CSRNP2: variants seen among roughly 807,000 people sequenced by gnomAD.
CSRNP2 encodes cysteine/serine-rich nuclear protein 2.
CSRNP2 carries 11 observed loss-of-function variants against 36.6 expected under a neutral mutation model. That is an observed-to-expected ratio of 0.30 (90% CI 0.19 to 0.50). The LOEUF (loss-of-function observed/expected upper bound fraction) is 0.50, where lower values mean the gene tolerates loss of function less well. Among genes scored for constraint, CSRNP2 ranks in the 20% least tolerant of loss-of-function variants. The probability of loss-of-function intolerance (pLI) is 0.98; values close to 1 mark genes in which losing one functional copy is unlikely to be tolerated. For synonymous variants in CSRNP2, 248 were observed against 275.3 expected, an observed-to-expected ratio of 0.90 and a Z score of 0.98; for missense variants, 483 against 691.4, an observed-to-expected ratio of 0.70 and a Z score of 3.38.
chr12:51,072,484 A>G (rs1258991493), intron 3 of CSRNP2, among the ~76,000 whole-genome samples: 1 of 145,884 alleles, frequency 6.9e-6, no homozygotes, highest in Non-Finnish European at 1.5e-5. Context: ...AATGGTGTGA[A>G]CCCGGGAGGT....
At chr12:51,076,313 G>A in intron 2 of CSRNP2, 98 bp downstream of exon 2, 1 of 1,335,478 alleles carries the variant, frequency 7.5e-7, no homozygotes, top group Non-Finnish European at 1.0e-6. Context: ...TGATGATTAA[G>A]GGCAAATCCC....
chr12:51,069,282 C>CCTTT (rs1181714055), intron 3 of CSRNP2, among the ~76,000 whole-genome samples: 1 of 144,778 alleles, frequency 6.9e-6, no homozygotes, highest in African/African-American at 2.5e-5. Context: ...GCTTCCTTCT[C>CCTTT]CTTTCTTTTT....
chr12:51,079,849 T>C (rs1280256733), intron 1 of CSRNP2, among the ~76,000 whole-genome samples: 1 of 113,918 alleles, frequency 8.8e-6, no homozygotes, highest in Non-Finnish European at 1.8e-5. Context: ...CCAAGGCGGG[T>C]GGATCACAAG....
intron 1 of CSRNP2, among the ~76,000 whole-genome samples, chr12:51,078,397 GA>G (rs11310354): frequency 0.98 from 148,895 of 151,316 alleles, 73,294 homozygotes; most frequent in Middle Eastern, 1. Context: ...TGCCAGGGAA[GA>G]AAAAAAAAAA....
intron 1 of CSRNP2, among the ~76,000 whole-genome samples, chr12:51,080,738 A>AT (rs1939607209): frequency 6.6e-6 from 1 of 152,142 alleles, no homozygotes; most frequent in African/African-American, 2.4e-5. Context: ...TAGCTCCACC[A>AT]TTTTTTTAAA....
chr12:51,069,982 G>A (rs1344105210), intron 3 of CSRNP2, among the ~76,000 whole-genome samples: 2 of 151,350 alleles, frequency 1.3e-5, no homozygotes, highest in East Asian at 3.9e-4. Context: ...TTACAGGCGT[G>A]AGCCACCGAG....
chr12:51,078,960 C>G (rs1363159675), intron 1 of CSRNP2, among the ~76,000 whole-genome samples: 2 of 152,188 alleles, frequency 1.3e-5, no homozygotes, highest in Non-Finnish European at 2.9e-5. Flanking sequence ...ATAGCAAAGA[C>G]TTGGAACCAA....
intron 3 of CSRNP2, among the ~76,000 whole-genome samples, chr12:51,070,590 G>A (rs755170690): frequency 2.6e-5 from 4 of 152,096 alleles, no homozygotes; most frequent in African/African-American, 4.8e-5. Context: ...TTATTAAATC[G>A]TATTGGAACA....
intron 1 of CSRNP2, among the ~76,000 whole-genome samples, chr12:51,077,135 G>T (rs1385263757): frequency 6.6e-6 from 1 of 151,794 alleles, no homozygotes; most frequent in African/African-American, 2.4e-5. Context: ...TTTAGAAACA[G>T]GGTCTCACTA....
intron 1 of CSRNP2, among the ~76,000 whole-genome samples, chr12:51,077,901 T>A (rs899460074): frequency 6.6e-5 from 10 of 152,222 alleles, no homozygotes; most frequent in Admixed American, 5.9e-4. Context: ...GAGTCTGAGA[T>A]AGTCCATTTC....
At position 51,064,648 on chromosome 12, in the gene CSRNP2, A is replaced by G. The variant is rs1163633597; in HGVS notation, c.730T>C (p.Cys244Arg). The change falls in exon 5 of 5, where the codon TGT (cysteine) becomes CGT (arginine). Residue 244 changes from cysteine (C) to arginine (R), a missense_variant. By Grantham distance (180) the Cys-to-Arg change is radical (BLOSUM62 -3). This residue lies in a region of CSRNP2 where 206 missense variants were observed against 367.8 expected (regional missense o/e 0.56). Transcript: ENST00000228515. The part of the protein sequence containing the change: ...KCQVDRMSFP[C>R]GCSRDGCGNM... ...CCACAGCCATCCCGGGAGCAGCCAC[A>G]TGGAAAGGACATGCGATCCACCTGA... The G allele has an allele frequency of 1.3e-6, 2 of 1,529,406 alleles. No homozygotes were observed. Among genetic ancestry groups the G allele is most frequent in the Non-Finnish European group, 1.8e-6 (2 of 1,136,420 alleles). 94.7% of individuals were successfully genotyped at this position (1,529,406 alleles called of 1,614,324 possible). A position where few individuals can be genotyped will look rare whatever the true frequency, so the allele number is the denominator to read the frequency against.
At chr12:51,082,475 C>T (rs1939681566) in intron 1 of CSRNP2, 1 of 152,134 alleles carries the variant, frequency 6.6e-6, no homozygotes, top group African/African-American at 2.4e-5. Context: ...TGTGGATTTG[C>T]AAGACAGAAA....
rs572404833 is a variant in CSRNP2 at position 51,081,702 on chromosome 12, A to C, written c.-87+1637T>G. ...TCCAAAGTTATATGAAATAGTTAAG[A>C]TCCAGAGCACAGAATACATCAGGCT... On this transcript the variant is annotated intron_variant, in intron 1 of 4. Transcript: ENST00000228515. Among the ~76,000 whole-genome samples, 316 of 152,376 alleles carry C rather than the reference A, an allele frequency of 2.1e-3. 1 individual carries two copies. The highest frequency in any genetic ancestry group is 2.6e-3 in the Admixed American group (40 of 15,300).
intron 1 of CSRNP2, among the ~76,000 whole-genome samples, chr12:51,078,341 C>T (rs1939477489): frequency 6.6e-6 from 1 of 151,986 alleles, no homozygotes; most frequent in South Asian, 2.1e-4. Flanking sequence ...ACCTAAGAAA[C>T]CTCAGCCATC....
chr12:51,063,547 G>A lies in CSRNP2; in HGVS notation c.*199C>T. On this transcript the variant is annotated 3_prime_UTR_variant, in exon 5 of 5. Transcript: ENST00000228515. ...TTTCTTTGCCCCAAGACTATCCCCA[G>A]ATCAAGGTAGGGCTGGTCTCCTTGG... is the stretch of plus-strand genomic sequence containing the variant. 2.3e-6 allele frequency: 1 copy of A among 432,642 alleles called. No homozygotes were observed. Among genetic ancestry groups the A allele is most frequent in the Non-Finnish European group, 4.1e-6 (1 of 246,474 alleles). 26.8% of individuals were successfully genotyped at this position (432,642 alleles called of 1,614,324 possible). A position where few individuals can be genotyped will look rare whatever the true frequency, so the allele number is the denominator to read the frequency against.
chr12:51,072,572 A>C (rs9795983), intron 3 of CSRNP2, among the ~76,000 whole-genome samples: 2 of 50,580 alleles, frequency 4.0e-5, no homozygotes, highest in Non-Finnish European at 7.6e-5. Flanking sequence ...CAAAAAAAAA[A>C]AAAAAAAAAA....
chr12:51,067,642 G>T lies in CSRNP2; in HGVS notation c.708+31C>A. ...ACCTCACCCCGCTGACCCTGGTGTAGATATACTATCTCAGGCCAACTTGGA... is the reference window on the plus strand; with the variant it reads ...ACCTCACCCCGCTGACCCTGGTGTATATATACTATCTCAGGCCAACTTGGA... On this transcript the variant is annotated intron_variant, in intron 4 of 4. Coordinates refer to ENST00000228515, the MANE Select transcript of CSRNP2 (RefSeq NM_030809.3). This position sits in a 1 kb window ranked among gnomAD's most constrained non-coding sequence, Gnocchi z 4.1. The T allele has an allele frequency of 1.2e-6, 2 of 1,601,668 alleles. No homozygotes were observed. Among genetic ancestry groups the T allele is most frequent in the Non-Finnish European group, 1.7e-6 (2 of 1,172,490 alleles).
chr12:51,075,770 C>T (rs147020400), intron 2 of CSRNP2, among the ~76,000 whole-genome samples: 1 of 152,126 alleles, frequency 6.6e-6, no homozygotes, highest in Non-Finnish European at 1.5e-5. Context: ...AAAGCTTGGC[C>T]GGGCACAGTG....
At chr12:51,081,816 CAAA>C (rs1555249020) in intron 1 of CSRNP2, among the ~76,000 whole-genome samples, 2 of 60,838 alleles carry the variant, frequency 3.3e-5, no homozygotes, top group African/African-American at 1.0e-4. Context: ...CTATAACCAC[CAAA>C]ACAAACAAAC....
Sources: allele counts gnomAD v4.1 joint callset (sites outside exome capture counted in the v4.1 genomes callset), GRCh38; gene constraint gnomAD v4.1.1; regional missense constraint gnomAD v4.1.1; non-coding constraint Gnocchi (gnomAD v3.1); transcripts MANE v1.5; gene names NCBI Gene and HGNC (gene_info 2026-07-23, HGNC 2026-07-21).